ARMC8: variants seen among roughly 807,000 people sequenced by gnomAD.
The protein encoded by ARMC8 is armadillo repeat containing 8.
A neutral mutation model predicts 99.3 loss-of-function variants in ARMC8; 20 were observed. That is an observed-to-expected ratio of 0.20 (90% CI 0.14 to 0.29). The LOEUF (loss-of-function observed/expected upper bound fraction) is 0.29. Among genes scored for constraint, ARMC8 ranks in the 10% least tolerant of loss-of-function variants. The pLI is 1.00. For missense variants in ARMC8, 569 were observed against 809.5 expected (o/e 0.70, Z 3.60); for synonymous variants, 263 against 278.3 (o/e 0.95, Z 0.55).
In ARMC8 at chr3:138,296,770, A is replaced by G. The variant is rs1207788936; in HGVS notation, c.*878A>G. The G allele has an allele frequency of 1.3e-5, 2 of 152,232 alleles. No homozygotes were observed. The highest frequency in any genetic ancestry group is 2.9e-5 in the Non-Finnish European group (2 of 68,042). 9.4% of individuals were successfully genotyped at this position (152,232 alleles called of 1,614,324 possible). On this transcript the variant is annotated 3_prime_UTR_variant, in exon 22 of 22. Transcript: ENST00000469044. The stretch of plus-strand genomic sequence containing the variant: ...GCTTTTTGAAGCATCAAAGGGAAAT[A>G]TAACTACTGATAGTGAAAGCCCAGC...
At chr3:138,214,011 G>A (rs543507159) in intron 2 of ARMC8, among the ~76,000 whole-genome samples, 1 of 152,090 alleles carries the variant, frequency 6.6e-6, no homozygotes, top group Admixed American at 6.6e-5. Flanking sequence ...AATTAGCCAG[G>A]CGTGGTGGTA....
intron 18 of ARMC8, among the ~76,000 whole-genome samples, chr3:138,281,701 G>A (rs2049944515): frequency 6.6e-6 from 1 of 152,092 alleles, no homozygotes; most frequent in South Asian, 2.1e-4. Flanking sequence ...TTCAAGCCTG[G>A]GGATGCATGG....
chr3:138,245,177 G>C lies in ARMC8; in HGVS notation c.1128G>C (p.Arg376=), dbSNP rs2046824864. 6.2e-7 allele frequency: 1 copy of C among 1,614,218 alleles called. No homozygotes were observed. The highest frequency in any genetic ancestry group is 1.3e-5 in the African/African-American group (1 of 75,064). ...TTGGAGCAAATGATGAAGACATCCGGAAGAAGGTGAGTCTGGGAGAGGGGC... is the reference window on the plus strand; with the variant it reads ...TTGGAGCAAATGATGAAGACATCCGCAAGAAGGTGAGTCTGGGAGAGGGGC... ...ASLGANDEDI[R]KKIIETENMM... is the part of the protein sequence containing the mutation. The change falls in exon 12 of 22, where the codon CGG becomes CGC. Residue 376 remains arginine, a synonymous_variant. Coordinates refer to ENST00000469044, the MANE Select transcript of ARMC8 (RefSeq NM_001363941.2).
chr3:138,188,364 A>C (rs1331619543), intron 1 of ARMC8: 1 of 1,419,080 alleles, frequency 7.0e-7, no homozygotes, highest in Non-Finnish European at 9.3e-7. Flanking sequence ...TTGACATGCC[A>C]GGAAGTAAAA....
At chr3:138,246,367 A>G in intron 12 of ARMC8, 1 of 985,222 alleles carries the variant, frequency 1.0e-6, no homozygotes, top group Non-Finnish European at 1.2e-6. Flanking sequence ...CTAAGTTTTC[A>G]CTTATAAACT....
chr3:138,208,823 G>C (rs906179665), intron 1 of ARMC8, among the ~76,000 whole-genome samples: 1 of 152,040 alleles, frequency 6.6e-6, no homozygotes, highest in Non-Finnish European at 1.5e-5. Context: ...TCCAAAATAA[G>C]TATTACAAGA....
chr3:138,294,588 A>G (rs1242600113), intron 21 of ARMC8, among the ~76,000 whole-genome samples: 1 of 152,204 alleles, frequency 6.6e-6, no homozygotes, highest in Non-Finnish European at 1.5e-5. Flanking sequence ...TGTGTCCATT[A>G]CTGCAGAAAC....
At chr3:138,291,075 CTCA>C (rs1189436181) in intron 21 of ARMC8, among the ~76,000 whole-genome samples, 2 of 152,248 alleles carry the variant, frequency 1.3e-5, no homozygotes, top group Non-Finnish European at 2.9e-5. Flanking sequence ...CCTCAAAGAG[CTCA>C]TCATTTCCTG....
At chr3:138,241,247 C>G (rs1456506268) in intron 10 of ARMC8, among the ~76,000 whole-genome samples, 1 of 152,088 alleles carries the variant, frequency 6.6e-6, no homozygotes, top group East Asian at 1.9e-4. Context: ...TATAGTAGAA[C>G]TGGTGGAATC....
At chr3:138,263,944 C>A in intron 13 of ARMC8, 123 bp downstream of exon 13, 1 of 1,049,500 alleles carries the variant, frequency 9.5e-7, no homozygotes, top group Non-Finnish European at 1.5e-6. Context: ...CAGGTGAATT[C>A]ATAGAGTATA....
chr3:138,244,749 T>C (rs1478939710), intron 11 of ARMC8, among the ~76,000 whole-genome samples: 1 of 152,246 alleles, frequency 6.6e-6, no homozygotes, highest in Non-Finnish European at 1.5e-5. Context: ...TTCAAAGAGC[T>C]GCTGCAAGCA....
intron 5 of ARMC8, among the ~76,000 whole-genome samples, chr3:138,225,538 A>G (rs931754836): frequency 4.6e-5 from 7 of 152,116 alleles, no homozygotes; most frequent in African/African-American, 1.7e-4. Context: ...CAAGAAGCAT[A>G]TTTTCCATTG....
intron 1 of ARMC8, among the ~76,000 whole-genome samples, chr3:138,200,025 A>G (rs936805280): frequency 1.3e-5 from 2 of 152,326 alleles, no homozygotes; most frequent in Non-Finnish European, 2.9e-5. Context: ...GTGGTTTCCC[A>G]ACCCTATCAG....
chr3:138,298,055 G>A lies in ARMC8; in HGVS notation c.*2163G>A, dbSNP rs1484004479. 1 of 152,158 alleles carries A rather than the reference G, an allele frequency of 6.6e-6. No individual in the cohort carries two copies. The highest frequency in any genetic ancestry group is 1.5e-5 in the Non-Finnish European group (1 of 67,998). 9.4% of individuals were successfully genotyped at this position (152,158 alleles called of 1,614,324 possible). ...AATTAACTTTTCTGATTTGAATGAA[G>A]GGAAATGTATTTATTGAAACAAAGC... On this transcript the variant is annotated 3_prime_UTR_variant, in exon 22 of 22. Transcript: ENST00000469044.
chr3:138,289,924 C>A (rs184946252), intron 20 of ARMC8, among the ~76,000 whole-genome samples: 3 of 152,290 alleles, frequency 2.0e-5, no homozygotes, highest in Admixed American at 2.0e-4. Flanking sequence ...GATTACTCAG[C>A]AGCAGCGCCC....
intron 20 of ARMC8, among the ~76,000 whole-genome samples, chr3:138,290,066 G>C (rs1306253179): frequency 6.6e-6 from 1 of 152,230 alleles, no homozygotes; most frequent in Non-Finnish European, 1.5e-5. Flanking sequence ...AGAATGATAT[G>C]AAATTGGAAG....
chr3:138,234,231 C>G (rs2046214469), intron 6 of ARMC8, among the ~76,000 whole-genome samples: 1 of 152,046 alleles, frequency 6.6e-6, no homozygotes, highest in African/African-American at 2.4e-5. Context: ...CCTGCCTCAG[C>G]CTCCGGAGTA....
intron 2 of ARMC8, among the ~76,000 whole-genome samples, chr3:138,220,189 G>C (rs979271063): frequency 6.6e-6 from 1 of 152,168 alleles, no homozygotes; most frequent in Non-Finnish European, 1.5e-5. Context: ...AGCCTCTAAA[G>C]AAAACAGGCA....
intron 2 of ARMC8, among the ~76,000 whole-genome samples, chr3:138,219,212 A>G (rs1264236474): frequency 6.6e-6 from 1 of 152,248 alleles, no homozygotes; most frequent in Non-Finnish European, 1.5e-5. Flanking sequence ...AAAGTAATGT[A>G]GAAATCTTGG....
Sources: gnomAD v4.1 joint callset for allele counts (sites outside exome capture counted in the v4.1 genomes callset) on GRCh38, gnomAD v4.1.1 for gene constraint, MANE v1.5 for transcripts, NCBI Gene and HGNC (gene_info 2026-07-23, HGNC 2026-07-21) for gene names.